Variants in GLRA3 observed in about 807,000 individuals in gnomAD.
GLRA3 encodes the protein glycine receptor alpha 3, also known as glycine receptor subunit alpha-3.
Under a neutral mutation model 60.4 loss-of-function variants are expected in GLRA3, and 44 were observed. That is an observed-to-expected ratio of 0.73 (90% CI 0.57 to 0.94). The LOEUF (loss-of-function observed/expected upper bound fraction) is 0.94, where lower values mean the gene tolerates loss of function less well. GLRA3 is among the 40% of genes least tolerant of loss of function. The pLI, the probability that GLRA3 is intolerant of heterozygous loss-of-function variation, is 0.00. For synonymous variants in GLRA3, 223 were observed against 192.9 expected, an observed-to-expected ratio of 1.16 and a Z score of -1.29; for missense variants, 508 against 564.6, an observed-to-expected ratio of 0.90 and a Z score of 1.02.
chr4:174,650,545 T>C (rs1732988789), intron 9 of GLRA3, among the ~76,000 whole-genome samples: 1 of 152,124 alleles, frequency 6.6e-6, no homozygotes, highest in Admixed American at 6.5e-5. Context: ...TTCTCTTGAG[T>C]TCTGATTAGA....
rs147029719 is a variant in GLRA3, at chr4:174,827,220, A to G, written c.71+1521T>C. On this transcript the variant is annotated intron_variant, in intron 1 of 9. Transcript: ENST00000274093. ...TTTGAAATACTTTTTCATAACTTTTAACAAAATTGGACAAAAGTCAGAGAA... is the reference window on the plus strand; with the variant it reads ...TTTGAAATACTTTTTCATAACTTTTGACAAAATTGGACAAAAGTCAGAGAA... 2.0e-5 allele frequency among the ~76,000 whole-genome samples: 3 copies of G among 152,030 alleles called. No individual in the cohort carries two copies. In the East Asian group the frequency reaches 5.8e-4, roughly 29 times the overall value.
intron 5 of GLRA3, among the ~76,000 whole-genome samples, chr4:174,704,221 G>C (rs1189311057): frequency 7.0e-6 from 1 of 143,588 alleles, no homozygotes; most frequent in African/African-American, 2.5e-5. Flanking sequence ...CTTGAGCCTG[G>C]AGGTGGAGGT....
chr4:174,699,861 T>G, intron 5 of GLRA3, among the ~76,000 whole-genome samples: 1 of 151,218 alleles, frequency 6.6e-6, no homozygotes, highest in East Asian at 1.9e-4. Context: ...AATGCATTAA[T>G]TATTTAATTA....
intron 1 of GLRA3, among the ~76,000 whole-genome samples, chr4:174,820,381 T>C (rs1257392731): frequency 1.3e-5 from 2 of 152,162 alleles, no homozygotes; most frequent in Admixed American, 1.3e-4. Context: ...AAAGAAGAAA[T>C]AGTGCTTCAT....
intron 7 of GLRA3, among the ~76,000 whole-genome samples, chr4:174,669,172 G>T (rs1426193961): frequency 6.6e-6 from 1 of 151,754 alleles, no homozygotes; most frequent in Non-Finnish European, 1.5e-5. Flanking sequence ...TTTCTCCTTA[G>T]TGCAAGAACC....
intron 5 of GLRA3, among the ~76,000 whole-genome samples, chr4:174,692,710 A>T (rs1734900960): frequency 6.6e-6 from 1 of 151,582 alleles, no homozygotes; most frequent in Non-Finnish European, 1.5e-5. Context: ...GCGGTGCAAG[A>T]TGTGCTTTGT....
At chr4:174,677,348 A>C in intron 6 of GLRA3, 56 bp from the exon 7 acceptor site, 1 of 966,822 alleles carries the variant, frequency 1.0e-6, no homozygotes, top group Non-Finnish European at 1.6e-6. Context: ...TTGTTACGGC[A>C]TCAAATATCA....
chr4:174,656,628 A>C lies in GLRA3; in HGVS notation c.1116+115T>G, dbSNP rs753998764. 4.7e-4 allele frequency: 266 copies of C among 570,954 alleles called. 3 individuals carry two copies. The highest frequency in any genetic ancestry group is 9.2e-5 in the Non-Finnish European group (28 of 304,914). 35.4% of individuals were successfully genotyped at this position (570,954 alleles called of 1,614,324 possible). ...GGGGGATGATATTTGCTCAGCTTTC[A>C]ATACAAAAGGGGCTGTGTTTCCCCA... On this transcript the variant is annotated intron_variant, in intron 9 of 9. Transcript: ENST00000274093.
intron 5 of GLRA3, among the ~76,000 whole-genome samples, chr4:174,689,051 T>G (rs903485228): frequency 7.9e-5 from 12 of 152,166 alleles, no homozygotes; most frequent in African/African-American, 1.9e-4. Flanking sequence ...ATAAGAGACA[T>G]TCAATGTTTT....
chr4:174,820,534 G>A (rs1740702730), intron 1 of GLRA3, among the ~76,000 whole-genome samples: 1 of 152,092 alleles, frequency 6.6e-6, no homozygotes, highest in Non-Finnish European at 1.5e-5. Flanking sequence ...AACAGCGCTG[G>A]GATATGTGGC....
chr4:174,806,033 C>T (rs182938585), intron 1 of GLRA3, among the ~76,000 whole-genome samples: 1 of 152,180 alleles, frequency 6.6e-6, no homozygotes, highest in Non-Finnish European at 1.5e-5. Context: ...AGAGGTCTTC[C>T]TTGAAAAGAT....
At chr4:174,807,660 A>G (rs555330886) in intron 1 of GLRA3, among the ~76,000 whole-genome samples, 1 of 152,260 alleles carries the variant, frequency 6.6e-6, no homozygotes, top group East Asian at 1.9e-4. Context: ...ATATTTTGAA[A>G]GAAAAAGTAA....
At chr4:174,702,562 T>C (rs1164574790) in intron 5 of GLRA3, among the ~76,000 whole-genome samples, 1 of 148,134 alleles carries the variant, frequency 6.8e-6, no homozygotes. Flanking sequence ...AAAATCACCA[T>C]TCCTAGAAAT....
intron 7 of GLRA3, among the ~76,000 whole-genome samples, chr4:174,671,569 T>C (rs1394122077): frequency 6.7e-6 from 1 of 150,374 alleles, no homozygotes. Context: ...TATTTTCTAA[T>C]AGTTATAATC....
At chr4:174,742,428 T>C (rs1183251338) in intron 3 of GLRA3, among the ~76,000 whole-genome samples, 1 of 152,162 alleles carries the variant, frequency 6.6e-6, no homozygotes, top group Non-Finnish European at 1.5e-5. Context: ...AGCAATTTAG[T>C]CTTAATATAA....
chr4:174,766,169 T>C (rs1738136485), intron 3 of GLRA3, among the ~76,000 whole-genome samples: 1 of 152,058 alleles, frequency 6.6e-6, no homozygotes, highest in African/African-American at 2.4e-5. Flanking sequence ...GTATTTTATA[T>C]CATCTTTTAG....
chr4:174,769,783 T>G (rs1288999652), intron 2 of GLRA3, among the ~76,000 whole-genome samples: 1 of 152,156 alleles, frequency 6.6e-6, no homozygotes, highest in African/African-American at 2.4e-5. Flanking sequence ...ATGAAGCTTT[T>G]GAGAGAGTCC....
In GLRA3 at chr4:174,794,657, A is replaced by G. The variant is rs144443539; in HGVS notation, c.72-5714T>C. Among the ~76,000 whole-genome samples the G allele has an allele frequency of 2.7e-3, 418 of 152,292 alleles. 2 individuals are homozygous for G. Among genetic ancestry groups the G allele is most frequent in the African/African-American group, 8.7e-3 (361 of 41,560 alleles). On this transcript the variant is annotated intron_variant, in intron 1 of 9. Transcript: ENST00000274093. ...TTTAAATATGACAAACTCATTCTTA[A>G]TCTTTTTGAAGGTTAAAAATTGTTA...
chr4:174,776,461 T>C (rs1475700142), intron 2 of GLRA3, among the ~76,000 whole-genome samples: 4 of 151,902 alleles, frequency 2.6e-5, no homozygotes, highest in African/African-American at 9.7e-5. Context: ...TAATTTATCC[T>C]GCAGGAAGAA....
Sources: gnomAD v4.1 joint callset for allele counts (sites outside exome capture counted in the v4.1 genomes callset) on GRCh38, gnomAD v4.1.1 for gene constraint, MANE v1.5 for transcripts, NCBI Gene and HGNC (gene_info 2026-07-23, HGNC 2026-07-21) for gene names.